PRUNE2: variants seen among roughly 807,000 people sequenced by gnomAD.
The protein encoded by PRUNE2 is prune homolog 2 with BCH domain.
A neutral mutation model predicts 252.0 loss-of-function variants in PRUNE2; 164 were observed. That is an observed-to-expected ratio of 0.65 (90% CI 0.57 to 0.74). The LOEUF is 0.74. PRUNE2 is among the 30% of genes least tolerant of loss of function. The pLI is 0.00. For synonymous variants in PRUNE2, 1,292 were observed against 1,350.2 expected, an observed-to-expected ratio of 0.96 and a Z score of 0.94; for missense variants, 3,495 against 3,711.0, an observed-to-expected ratio of 0.94 and a Z score of 1.51.
rs1402806151 is a variant in PRUNE2, at chr9:76,711,363, C to T, written c.916-5G>A. ...CTCTTCCAGCTCACAGCAAATCTGT[C>T]GGAAGGCACAGGAATTTGTGTCAGC... On this transcript the variant is annotated splice_region_variant and splice_polypyrimidine_tract_variant and intron_variant, in intron 7 of 18. Transcript: ENST00000376718. 18 of 1,599,462 alleles carry T rather than the reference C, an allele frequency of 1.1e-5. No homozygotes were observed. The highest frequency in any genetic ancestry group is 4.5e-5 in the East Asian group (2 of 44,692).
intron 7 of PRUNE2, among the ~76,000 whole-genome samples, chr9:76,712,927 T>C (rs2046851360): frequency 6.6e-6 from 1 of 152,156 alleles, no homozygotes; most frequent in African/African-American, 2.4e-5. Context: ...CATAAGGCAT[T>C]GAATCCATTA....
At chr9:76,819,603 A>C (rs1308078125) in intron 6 of PRUNE2, 1 of 152,230 alleles carries the variant, frequency 6.6e-6, no homozygotes, top group Non-Finnish European at 1.5e-5. Context: ...GCTCTAGCAC[A>C]CTGATACAGC....
intron 6 of PRUNE2, chr9:76,739,586 A>C (rs1274056454): frequency 1.3e-5 from 2 of 151,978 alleles, no homozygotes; most frequent in Non-Finnish European, 2.9e-5. Flanking sequence ...TATAATGTAT[A>C]CTATGAATCA....
chr9:76,754,273 G>T (rs1225314074), intron 6 of PRUNE2, among the ~76,000 whole-genome samples: 1 of 152,198 alleles, frequency 6.6e-6, no homozygotes, highest in East Asian at 1.9e-4. Flanking sequence ...GGGAGTGGGG[G>T]TGGGGTGGGG....
chr9:76,893,129 T>C (rs1235075029), intron 1 of PRUNE2, among the ~76,000 whole-genome samples: 1 of 152,160 alleles, frequency 6.6e-6, no homozygotes, highest in East Asian at 1.9e-4. Flanking sequence ...CCTGTAGTCG[T>C]AGCTACTTGG....
intron 9 of PRUNE2, among the ~76,000 whole-genome samples, chr9:76,700,927 A>G: frequency 6.6e-6 from 1 of 152,238 alleles, no homozygotes; most frequent in East Asian, 1.9e-4. Context: ...GTTAGTACCC[A>G]TTTTATACTT....
chr9:76,837,921 G>A (rs550076276), intron 4 of PRUNE2, among the ~76,000 whole-genome samples: 107 of 151,568 alleles, frequency 7.1e-4, no homozygotes, highest in Admixed American at 1.8e-3. Flanking sequence ...ACAGGCGCCT[G>A]CCACCACGCC....
At chr9:76,828,046 G>A (rs1183370293) in intron 4 of PRUNE2, among the ~76,000 whole-genome samples, 1 of 152,180 alleles carries the variant, frequency 6.6e-6, no homozygotes, top group Non-Finnish European at 1.5e-5. Flanking sequence ...GCTCACGGGA[G>A]ATTAGAGGTT....
At chr9:76,700,251 G>C (rs1440027733) in intron 9 of PRUNE2, 1 of 152,192 alleles carries the variant, frequency 6.6e-6, no homozygotes, top group Non-Finnish European at 1.5e-5. Context: ...GGAAGAAGCT[G>C]ATTTGCAGCT....
chr9:76,707,768 G>T lies in PRUNE2; in HGVS notation c.4506C>A (p.Val1502=). ...GDVPIDSDVH[V]SSTCSEITKN... ...TGGTTATCTCAGAACATGTGCTGCT[G>T]ACATGCACATCACTGTCTATAGGGA... The change falls in exon 8 of 19, where the codon GTC becomes GTA. Residue 1502 remains valine, a synonymous_variant. Coordinates refer to ENST00000376718, the MANE Select transcript of PRUNE2 (RefSeq NM_015225.3). 1 of 1,613,496 alleles carries T rather than the reference G, an allele frequency of 6.2e-7. No homozygotes were observed. Among genetic ancestry groups the T allele is most frequent in the South Asian group, 1.1e-5 (1 of 91,008 alleles).
At chr9:76,844,873 G>A (rs1234098549) in intron 4 of PRUNE2, among the ~76,000 whole-genome samples, 1 of 151,920 alleles carries the variant, frequency 6.6e-6, no homozygotes, top group Non-Finnish European at 1.5e-5. Context: ...GTTAAGAAAA[G>A]CAAAATCCAG....
intron 11 of PRUNE2, among the ~76,000 whole-genome samples, chr9:76,646,693 C>A (rs1845005218): frequency 6.6e-6 from 1 of 152,172 alleles, no homozygotes. Context: ...TCCCCCAGAA[C>A]TCTGGATTCT....
intron 12 of PRUNE2, chr9:76,642,001 T>TAAAAAAAAAAAAAAAAAAAAAA: frequency 2.0e-6 from 2 of 1,010,456 alleles, no homozygotes; most frequent in South Asian, 1.7e-5. Flanking sequence ...ATAAGAGAAG[T>TAAAAAAAAAAAAAAAAAAAAAA]AAAAAAAAAA....
chr9:76,720,970 C>G (rs1854440), intron 6 of PRUNE2, among the ~76,000 whole-genome samples: 104,640 of 151,924 alleles, frequency 0.69, 36,402 homozygotes, highest in East Asian at 0.91. Context: ...GCGTGGTGAC[C>G]GGCGCGTGTA....
intron 1 of PRUNE2, among the ~76,000 whole-genome samples, chr9:76,875,407 C>T (rs569151898): frequency 1.7e-4 from 26 of 152,200 alleles, no homozygotes; most frequent in African/African-American, 6.0e-4. Context: ...GCTCTGTCGC[C>T]CAGGCTGGAG....
intron 7 of PRUNE2, among the ~76,000 whole-genome samples, chr9:76,711,789 C>T (rs2046753067): frequency 6.6e-6 from 1 of 152,198 alleles, no homozygotes; most frequent in South Asian, 2.1e-4. Flanking sequence ...GCAGCCAGGG[C>T]TGCTTGAACC....
rs550386752 is a variant in PRUNE2 at position 76,671,279 on chromosome 9, G to A, written c.8277-15777C>T. On this transcript the variant is annotated intron_variant, in intron 9 of 18. Coordinates refer to ENST00000376718, the MANE Select transcript of PRUNE2 (RefSeq NM_015225.3). ...ATGCAGAAGCCTCAGGAGCCGATGC[G>A]ATCAACTGGAAGAAAGGGTATCAGC... Among the ~76,000 whole-genome samples the A allele has an allele frequency of 4.8e-5, 7 of 147,320 alleles. No individual in the cohort carries two copies. The South Asian group carries it at 9.0e-4, about 19-fold the overall frequency.
intron 1 of PRUNE2, among the ~76,000 whole-genome samples, chr9:76,886,867 T>C (rs953429412): frequency 2.0e-5 from 3 of 152,206 alleles, no homozygotes; most frequent in African/African-American, 7.2e-5. Flanking sequence ...GATTATCTAT[T>C]GACTCTAAAA....
Position 76,709,541 on chromosome 9 carries a change from C to T in PRUNE2, c.2733G>A (p.Lys911=). The T allele has an allele frequency of 6.2e-7, 1 of 1,613,992 alleles. No individual in the cohort carries two copies. Among genetic ancestry groups the T allele is most frequent in the Non-Finnish European group, 8.5e-7 (1 of 1,179,894 alleles). The change falls in exon 8 of 19, where the codon AAG becomes AAA. Residue 911 remains lysine (K), a synonymous_variant. Transcript: ENST00000376718. ...TCCAGGAATCTACCTTTTCATATAC[C>T]TTGCCCCTAGTTTTAGGATCCACTA... ...NGLVDPKTRG[K]VYEKVDSWNL...
Sources: gnomAD v4.1 joint callset for allele counts (sites outside exome capture counted in the v4.1 genomes callset) on GRCh38, gnomAD v4.1.1 for gene constraint, MANE v1.5 for transcripts, NCBI Gene and HGNC (gene_info 2026-07-23, HGNC 2026-07-21) for gene names.